Variants in NLK observed in about 807,000 individuals in gnomAD.
NLK encodes nemo like kinase.
Under a neutral mutation model 59.0 loss-of-function variants are expected in NLK, and 11 were observed. The observed-to-expected ratio is 0.19, with a 90% CI of 0.12 to 0.31. NLK has a LOEUF of 0.31. Among genes scored for constraint, NLK ranks in the 10% least tolerant of loss-of-function variants. The probability of loss-of-function intolerance (pLI) is 1.00; values close to 1 mark genes in which losing one functional copy is unlikely to be tolerated. For missense variants in NLK, 410 were observed against 661.1 expected (o/e 0.62, Z 4.16); for synonymous variants, 235 against 235.9 (o/e 1.00, Z 0.03).
intron 3 of NLK, among the ~76,000 whole-genome samples, chr17:28,132,942 C>T (rs1482103256): frequency 6.6e-6 from 1 of 152,156 alleles, no homozygotes; most frequent in East Asian, 1.9e-4. Flanking sequence ...TATTACCATC[C>T]CCATTTTGCA....
intron 1 of NLK, among the ~76,000 whole-genome samples, chr17:28,071,079 C>T (rs1353786883): frequency 6.6e-6 from 1 of 152,168 alleles, no homozygotes; most frequent in African/African-American, 2.4e-5. Flanking sequence ...AGCATCATCC[C>T]TTGCCTCCAC....
At chr17:28,050,082 T>C (rs920954552) in intron 1 of NLK, among the ~76,000 whole-genome samples, 2 of 152,270 alleles carry the variant, frequency 1.3e-5, no homozygotes, top group Admixed American at 6.5e-5. Flanking sequence ...AAGGTGATTA[T>C]GACCTACTGG....
chr17:28,082,573 G>A (rs536912601), intron 1 of NLK, among the ~76,000 whole-genome samples: 1 of 152,218 alleles, frequency 6.6e-6, no homozygotes, highest in East Asian at 1.9e-4. Flanking sequence ...AGAGTAGGTG[G>A]GGTTAAAAGG....
intron 3 of NLK, among the ~76,000 whole-genome samples, chr17:28,152,110 G>C (rs1381393363): frequency 6.6e-6 from 1 of 152,162 alleles, no homozygotes; most frequent in Non-Finnish European, 1.5e-5. Flanking sequence ...TATAGGGTGA[G>C]CAACACCCTG....
intron 3 of NLK, among the ~76,000 whole-genome samples, chr17:28,148,740 T>C (rs1907358698): frequency 6.6e-6 from 1 of 152,146 alleles, no homozygotes; most frequent in Non-Finnish European, 1.5e-5. Flanking sequence ...AGCAAACAGA[T>C]AAATCCTCTG....
At chr17:28,087,836 A>T (rs182834170) in intron 1 of NLK, among the ~76,000 whole-genome samples, 333 of 151,376 alleles carry the variant, frequency 2.2e-3, no homozygotes, top group African/African-American at 7.9e-3. Flanking sequence ...TCTGTAACCC[A>T]TGATGAAGTT....
chr17:28,164,573 C>T (rs1443179293), intron 5 of NLK, among the ~76,000 whole-genome samples: 1 of 152,072 alleles, frequency 6.6e-6, no homozygotes, highest in African/African-American at 2.4e-5. Context: ...CATTGTCTTT[C>T]ATTTAAAAAG....
intron 1 of NLK, among the ~76,000 whole-genome samples, chr17:28,081,260 G>A (rs756754691): frequency 1.3e-5 from 2 of 151,820 alleles, no homozygotes; most frequent in Non-Finnish European, 2.9e-5. Flanking sequence ...GTGCAGCGGC[G>A]TGCGTGATCA....
At chr17:28,178,300 A>T (rs1333231045) in intron 7 of NLK, among the ~76,000 whole-genome samples, 1 of 152,150 alleles carries the variant, frequency 6.6e-6, no homozygotes, top group Non-Finnish European at 1.5e-5. Context: ...TCAGGTGCCC[A>T]TCCTTAGGAG....
chr17:28,105,221 C>T (rs1905036333), intron 1 of NLK, among the ~76,000 whole-genome samples: 1 of 152,174 alleles, frequency 6.6e-6, no homozygotes, highest in South Asian at 2.1e-4. Context: ...TCACCCAGCA[C>T]TGTCTTTTAA....
intron 2 of NLK, among the ~76,000 whole-genome samples, chr17:28,128,490 A>G (rs1442465020): frequency 6.6e-6 from 1 of 152,230 alleles, no homozygotes; most frequent in Non-Finnish European, 1.5e-5. Context: ...AAGACCTTCT[A>G]TAAATGAAGA....
chr17:28,064,173 A>AATT (rs1177323639), intron 1 of NLK, among the ~76,000 whole-genome samples: 1 of 102,718 alleles, frequency 9.7e-6, no homozygotes. Flanking sequence ...AAGTTAGCAA[A>AATT]CTTTTTTTTT....
chr17:28,083,773 T>C (rs916079750), intron 1 of NLK, among the ~76,000 whole-genome samples: 13 of 152,200 alleles, frequency 8.5e-5, no homozygotes, highest in African/African-American at 2.9e-4. Context: ...AGATGCTGCT[T>C]TATTTTTCTT....
chr17:28,069,191 G>A (rs977231332), intron 1 of NLK, among the ~76,000 whole-genome samples: 1 of 152,082 alleles, frequency 6.6e-6, no homozygotes, highest in African/African-American at 2.4e-5. Flanking sequence ...ACTCTTATGT[G>A]CGAGGCTTCT....
At chr17:28,076,655 G>T (rs1183099152) in intron 1 of NLK, among the ~76,000 whole-genome samples, 1 of 152,110 alleles carries the variant, frequency 6.6e-6, no homozygotes, top group Admixed American at 6.5e-5. Context: ...TTTTTCCTGA[G>T]ACTGGAGAAG....
At chr17:28,084,841 C>T (rs1304434227) in intron 1 of NLK, among the ~76,000 whole-genome samples, 1 of 152,200 alleles carries the variant, frequency 6.6e-6, no homozygotes, top group Non-Finnish European at 1.5e-5. Flanking sequence ...GGATTACAGG[C>T]GTGAGCCACC....
rs75540862 is a variant in NLK, at chr17:28,180,536, C to T, written c.1150-4643C>T. On this transcript the variant is annotated intron_variant, in intron 7 of 10. Transcript: ENST00000407008. ...AGTTTAACAGATGAGAAAGCCAAAG[C>T]TTGAGTGACTTACCTAAGTCTAGTA... 5.2e-3 allele frequency among the ~76,000 whole-genome samples: 794 copies of T among 152,300 alleles called. 13 individuals carry two copies. Among genetic ancestry groups the T allele is most frequent in the African/African-American group, 0.018 (732 of 41,542 alleles).
At position 28,148,334 on chromosome 17, in the gene NLK, CTT is replaced by C. The variant is rs535730737; in HGVS notation, c.645-12822_645-12821del. Among the ~76,000 whole-genome samples the C allele has an allele frequency of 3.4e-3, 518 of 150,730 alleles. 3 individuals are homozygous for C. The highest frequency in any genetic ancestry group is 0.012 in the African/African-American group (490 of 41,122). ...ACATTTATACATACGTATGCACTAACTTTTTAGTTCTCATGCACTTAAAAAAT... is the reference window on the plus strand; with the variant it reads ...ACATTTATACATACGTATGCACTAACTTTAGTTCTCATGCACTTAAAAAAT... On this transcript the variant is annotated intron_variant, in intron 3 of 10. Coordinates refer to ENST00000407008, the MANE Select transcript of NLK (RefSeq NM_016231.5).
intron 1 of NLK, among the ~76,000 whole-genome samples, chr17:28,121,491 T>TTTTA: frequency 1.1e-5 from 1 of 91,910 alleles, no homozygotes; most frequent in Non-Finnish European, 2.1e-5. Flanking sequence ...TTTTTCTTTC[T>TTTTA]TTTCTTTTTT....
Sources: gnomAD v4.1 joint callset for allele counts (sites outside exome capture counted in the v4.1 genomes callset) on GRCh38, gnomAD v4.1.1 for gene constraint, MANE v1.5 for transcripts, NCBI Gene and HGNC (gene_info 2026-07-23, HGNC 2026-07-21) for gene names.